Variants in NEDD4L observed in about 807,000 individuals in gnomAD.
The protein encoded by NEDD4L is NEDD4 like E3 ubiquitin protein ligase.
Under a neutral mutation model 148.9 loss-of-function variants are expected in NEDD4L, and 54 were observed. The ratio of observed to expected loss-of-function variants is 0.36; its 90% CI spans 0.29 to 0.45. The LOEUF (loss-of-function observed/expected upper bound fraction) is 0.45, where lower values mean the gene tolerates loss of function less well. NEDD4L is among the 20% of genes least tolerant of loss of function. The pLI is 1.00. For missense variants in NEDD4L, 856 were observed against 1,233.8 expected, an observed-to-expected ratio of 0.69 and a Z score of 4.59; for synonymous variants, 433 against 440.7, an observed-to-expected ratio of 0.98 and a Z score of 0.22.
At chr18:58,240,945 G>A (rs1403417240) in intron 2 of NEDD4L, among the ~76,000 whole-genome samples, 2 of 152,048 alleles carry the variant, frequency 1.3e-5, no homozygotes. Context: ...GAGTAGCTGG[G>A]ACTACAGATG....
chr18:58,323,886 C>G (rs142479584), intron 8 of NEDD4L, among the ~76,000 whole-genome samples: 1 of 152,282 alleles, frequency 6.6e-6, no homozygotes, highest in East Asian at 1.9e-4. Flanking sequence ...TGGGTCCTAT[C>G]GTACCTTTTC....
intron 2 of NEDD4L, among the ~76,000 whole-genome samples, chr18:58,234,157 C>CT (rs2045693827): frequency 7.0e-6 from 1 of 142,900 alleles, no homozygotes; most frequent in Non-Finnish European, 1.5e-5. Flanking sequence ...CTCTTTCTTT[C>CT]TTCTTTTTCT....
At chr18:58,278,227 G>C (rs1386583212) in intron 5 of NEDD4L, among the ~76,000 whole-genome samples, 3 of 152,202 alleles carry the variant, frequency 2.0e-5, no homozygotes, top group Non-Finnish European at 4.4e-5. Flanking sequence ...GCAATCAACA[G>C]TGTATGATGT....
At chr18:58,220,592 C>G (rs2043637022) in intron 2 of NEDD4L, among the ~76,000 whole-genome samples, 1 of 152,174 alleles carries the variant, frequency 6.6e-6, no homozygotes. Flanking sequence ...AACTGCAAGT[C>G]TAGTTTACAG....
chr18:58,309,877 AG>A (rs2057484783), intron 5 of NEDD4L, among the ~76,000 whole-genome samples: 3 of 152,170 alleles, frequency 2.0e-5, no homozygotes, highest in Admixed American at 1.3e-4. Context: ...TGGAGCCACC[AG>A]GACTCCCTCT....
At chr18:58,070,984 A>G (rs1199552538) in intron 1 of NEDD4L, among the ~76,000 whole-genome samples, 1 of 152,166 alleles carries the variant, frequency 6.6e-6, no homozygotes, top group Non-Finnish European at 1.5e-5. Context: ...TCTTTGACAA[A>G]AATTAGAAGC....
intron 2 of NEDD4L, among the ~76,000 whole-genome samples, chr18:58,207,568 G>A (rs2042103182): frequency 6.6e-6 from 1 of 152,176 alleles, no homozygotes; most frequent in Non-Finnish European, 1.5e-5. Flanking sequence ...TAGGTTCTAA[G>A]AGACTTGATA....
At chr18:58,161,179 CA>C (rs1189443639) in intron 1 of NEDD4L, among the ~76,000 whole-genome samples, 2 of 152,120 alleles carry the variant, frequency 1.3e-5, no homozygotes, top group Admixed American at 1.3e-4. Context: ...TACTGGCATG[CA>C]TCAGCACGTC....
chr18:58,256,310 C>T lies in NEDD4L; in HGVS notation c.297+4256C>T, dbSNP rs1287416084. The T allele has an allele frequency of 4.9e-6, 6 of 1,231,876 alleles. No homozygotes were observed. Among genetic ancestry groups the T allele is most frequent in the Admixed American group, 4.2e-5 (1 of 23,726 alleles). The allele number at this position is 1,231,876 out of a possible 1,614,324, so 76.3% of individuals were successfully genotyped here. A position where few individuals can be genotyped will look rare whatever the true frequency, so the allele number is the denominator to read the frequency against. ...CGGCCCGGCCGCGGCAGAGCCCAGG[C>T]GCTGGTCCCTGCAGCACGTTCCAGA... is the stretch of plus-strand genomic sequence containing the variant. On this transcript the variant is annotated intron_variant, in intron 5 of 30. Coordinates refer to ENST00000400345, the MANE Select transcript of NEDD4L (RefSeq NM_001144967.3). The surrounding 1 kb of genome is among the most constrained non-coding windows in gnomAD (Gnocchi z 5.2).
At chr18:58,228,632 A>G (rs895091461) in intron 2 of NEDD4L, among the ~76,000 whole-genome samples, 2 of 152,194 alleles carry the variant, frequency 1.3e-5, no homozygotes, top group African/African-American at 4.8e-5. Flanking sequence ...AAGGTGCTTA[A>G]TCAGTGAGGT....
At chr18:58,273,749 C>T (rs566392357) in intron 5 of NEDD4L, among the ~76,000 whole-genome samples, 1 of 152,242 alleles carries the variant, frequency 6.6e-6, no homozygotes, top group Admixed American at 6.5e-5. Flanking sequence ...TCAGTGAGCT[C>T]TAACCTACAA....
At chr18:58,184,718 GGA>G (rs907778940) in intron 2 of NEDD4L, among the ~76,000 whole-genome samples, 14 of 152,112 alleles carry the variant, frequency 9.2e-5, no homozygotes, top group African/African-American at 3.4e-4. Context: ...CACGTGGTCA[GGA>G]GATCGAGACC....
In NEDD4L at chr18:58,252,048, T is replaced by C; in HGVS notation, c.291T>C (p.Asn97=). 6.3e-7 allele frequency: 1 copy of C among 1,592,004 alleles called. No homozygotes were observed. The highest frequency in any genetic ancestry group is 8.6e-7 in the Non-Finnish European group (1 of 1,159,938). The change falls in exon 5 of 31, where the codon AAT becomes AAC. Residue 97 remains asparagine, a synonymous_variant. Transcript: ENST00000400345. The stretch of plus-strand genomic sequence containing the variant: ...TCCTATTTGAAGTATTTGACGAAAA[T>C]AGACTGGTAAGTGGATGCCTGTATT... ...HRLLFEVFDE[N]RLTRDDFLGQ...
intron 1 of NEDD4L, among the ~76,000 whole-genome samples, chr18:58,059,703 T>G (rs1178818033): frequency 6.6e-6 from 1 of 152,174 alleles, no homozygotes; most frequent in Non-Finnish European, 1.5e-5. Flanking sequence ...TCACCTCTTG[T>G]GGGACATGGT....
Position 58,256,690 on chromosome 18 carries a change from T to G in NEDD4L, c.297+4636T>G, listed in dbSNP as rs2048629647. The stretch of plus-strand genomic sequence containing the variant: ...CGGGGCAGCAGCATTTTAGAATTCT[T>G]GTAACCCGGGGGCCGGAAGAAGCTC... On this transcript the variant is annotated intron_variant, in intron 5 of 30. Transcript: ENST00000400345. The surrounding 1 kb of genome is among the most constrained non-coding windows in gnomAD (Gnocchi z 5.2). The G allele has an allele frequency of 8.1e-7, 1 of 1,232,030 alleles. No homozygotes were observed. The highest frequency in any genetic ancestry group is 4.2e-5 in the Admixed American group (1 of 23,694). The allele number at this position is 1,232,030 out of a possible 1,614,324, so 76.3% of individuals were successfully genotyped here. A position where few individuals can be genotyped will look rare whatever the true frequency, so the allele number is the denominator to read the frequency against.
chr18:58,318,202 T>C (rs1489875191), intron 6 of NEDD4L, among the ~76,000 whole-genome samples: 1 of 152,210 alleles, frequency 6.6e-6, no homozygotes, highest in Non-Finnish European at 1.5e-5. Flanking sequence ...ATGACCATTG[T>C]CAAGGTGGAT....
intron 5 of NEDD4L, among the ~76,000 whole-genome samples, chr18:58,292,788 G>A (rs17064706): frequency 0.016 from 2,440 of 152,216 alleles, 62 homozygotes; most frequent in African/African-American, 0.056. Context: ...AGAAATATTT[G>A]GAACGTAAGC....
intron 5 of NEDD4L, among the ~76,000 whole-genome samples, chr18:58,313,473 C>G (rs946229610): frequency 2.0e-5 from 3 of 152,092 alleles, no homozygotes; most frequent in Non-Finnish European, 4.4e-5. Context: ...ATCAGAATCC[C>G]TCCCTTCTCA....
chr18:58,338,523 A>C lies in NEDD4L; in HGVS notation c.1126-2515A>C, dbSNP rs145749048. Among the ~76,000 whole-genome samples the C allele has an allele frequency of 2.6e-3, 399 of 152,338 alleles. 3 individuals carry two copies. Among genetic ancestry groups the C allele is most frequent in the African/African-American group, 9.2e-3 (382 of 41,576 alleles). On this transcript the variant is annotated intron_variant, in intron 13 of 30. Coordinates refer to ENST00000400345, the MANE Select transcript of NEDD4L (RefSeq NM_001144967.3). ...TTACAGGTTGCCAGTTCAGTTCTCAATAGAAGAGAGAATGAGCATTTTAAT... is the reference window on the plus strand; with the variant it reads ...TTACAGGTTGCCAGTTCAGTTCTCACTAGAAGAGAGAATGAGCATTTTAAT...
Sources: gnomAD v4.1 joint callset for allele counts (sites outside exome capture counted in the v4.1 genomes callset) on GRCh38, gnomAD v4.1.1 for gene constraint, Gnocchi (gnomAD v3.1) non-coding constraint, MANE v1.5 for transcripts, NCBI Gene and HGNC (gene_info 2026-07-23, HGNC 2026-07-21) for gene names.